PLA2G5: variants seen among roughly 807,000 people sequenced by gnomAD.
The protein encoded by PLA2G5 is Ca2+-dependent phospholipase A2.
Under a neutral mutation model 15.9 loss-of-function variants are expected in PLA2G5, and 12 were observed. That is an observed-to-expected ratio of 0.76 (90% CI 0.48 to 1.23). The LOEUF (loss-of-function observed/expected upper bound fraction) is 1.23. PLA2G5 is among the 50% of genes most tolerant of loss of function. The pLI, the probability that PLA2G5 is intolerant of heterozygous loss-of-function variation, is 0.00. For missense variants in PLA2G5, 169 were observed against 177.1 expected, an observed-to-expected ratio of 0.95 and a Z score of 0.26; for synonymous variants, 71 against 71.4, an observed-to-expected ratio of 0.99 and a Z score of 0.03.
intron 1 of PLA2G5, among the ~76,000 whole-genome samples, chr1:20,042,144 G>C (rs560706036): frequency 6.6e-6 from 1 of 152,304 alleles, no homozygotes; most frequent in Middle Eastern, 3.4e-3. Context: ...GTGAGGGCCT[G>C]AGTTAAGGCA....
At chr1:20,081,141 C>T (rs2015996577) in intron 1 of PLA2G5, among the ~76,000 whole-genome samples, 1 of 151,748 alleles carries the variant, frequency 6.6e-6, no homozygotes, top group South Asian at 2.1e-4. Context: ...TCTCTCCCCT[C>T]TCATTACTGC....
chr1:20,086,660 G>A (rs564596494), intron 3 of PLA2G5, among the ~76,000 whole-genome samples: 7 of 152,158 alleles, frequency 4.6e-5, no homozygotes, highest in East Asian at 1.9e-4. Context: ...AAGGATGTTC[G>A]GGATTCCTCC....
At chr1:20,059,282 G>T (rs763220633) in intron 1 of PLA2G5, among the ~76,000 whole-genome samples, 39 of 152,136 alleles carry the variant, frequency 2.6e-4, no homozygotes, top group Non-Finnish European at 5.1e-4. Flanking sequence ...AAAAATATTA[G>T]CTGGGTGTGG....
intron 1 of PLA2G5, among the ~76,000 whole-genome samples, chr1:20,053,587 T>G (rs1009589373): frequency 4.1e-5 from 6 of 145,516 alleles, no homozygotes; most frequent in Admixed American, 6.9e-5. Context: ...GGGGGTGATA[T>G]GCAAAACTTT....
At chr1:20,062,863 C>T (rs16860431) in intron 2 of PLA2G5, among the ~76,000 whole-genome samples, 15,031 of 152,060 alleles carry the variant, frequency 0.099, 1,203 homozygotes, top group African/African-American at 0.22. Context: ...GCCTGGCCTT[C>T]GAGAGACTCT....
chr1:20,081,205 T>C (rs1382940568), intron 1 of PLA2G5, among the ~76,000 whole-genome samples: 1 of 151,678 alleles, frequency 6.6e-6, no homozygotes, highest in Non-Finnish European at 1.5e-5. Flanking sequence ...CTCTCTGTGG[T>C]CGTTTGATTA....
intron 1 of PLA2G5, among the ~76,000 whole-genome samples, chr1:20,055,202 C>T (rs2014376020): frequency 6.6e-6 from 1 of 152,102 alleles, no homozygotes; most frequent in Non-Finnish European, 1.5e-5. Context: ...GATGAAACCC[C>T]CACACAGTCA....
chr1:20,059,120 C>CAAAA (rs34667227), intron 1 of PLA2G5, among the ~76,000 whole-genome samples: 2 of 83,130 alleles, frequency 2.4e-5, no homozygotes, highest in Admixed American at 1.4e-4. Context: ...GAGACTGTCT[C>CAAAA]AAAAAAAAAA....
chr1:20,031,035 C>T (rs2100261538), intron 1 of PLA2G5, among the ~76,000 whole-genome samples: 1 of 152,268 alleles, frequency 6.6e-6, no homozygotes, highest in South Asian at 2.1e-4. Flanking sequence ...AAGGGTATCC[C>T]CTGTGAAGGC....
intron 1 of PLA2G5, among the ~76,000 whole-genome samples, chr1:20,071,824 C>T (rs2015391281): frequency 6.6e-6 from 1 of 152,174 alleles, no homozygotes; most frequent in African/African-American, 2.4e-5. Context: ...AGTGGCCACT[C>T]CAGCCCAGTG....
intron 1 of PLA2G5, among the ~76,000 whole-genome samples, chr1:20,044,795 G>C (rs1221237778): frequency 6.6e-6 from 1 of 152,046 alleles, no homozygotes; most frequent in Non-Finnish European, 1.5e-5. Context: ...AGCCTGGCAG[G>C]GTGCGATCTG....
intron 1 of PLA2G5, among the ~76,000 whole-genome samples, chr1:20,076,272 T>C (rs2015672835): frequency 8.0e-6 from 1 of 124,494 alleles, no homozygotes. Flanking sequence ...GCAAAGCATT[T>C]CTTAGGGCTG....
chr1:20,049,215 AC>A (rs1391542394), intron 1 of PLA2G5, among the ~76,000 whole-genome samples: 1 of 152,204 alleles, frequency 6.6e-6, no homozygotes, highest in Admixed American at 6.5e-5. Flanking sequence ...TTCAGGACAA[AC>A]CAGAAAGTCC....
At chr1:20,038,297 G>T (rs2013386939) in intron 1 of PLA2G5, among the ~76,000 whole-genome samples, 1 of 152,088 alleles carries the variant, frequency 6.6e-6, no homozygotes, top group African/African-American at 2.4e-5. Flanking sequence ...ATCTGCCCAG[G>T]AAAGTTCACA....
At position 20,084,882 on chromosome 1, in the gene PLA2G5, C is replaced by A; in HGVS notation, c.40+12C>A. On this transcript the variant is annotated intron_variant, in intron 2 of 4. Coordinates refer to ENST00000375108, the MANE Select transcript of PLA2G5 (RefSeq NM_000929.3). The stretch of plus-strand genomic sequence containing the variant: ...GTTCCTGGCTTGTAGTAAGTGCTGG[C>A]CCCGTGACCTTCGAATGAACTTTTA... The A allele has an allele frequency of 1.3e-6, 2 of 1,590,572 alleles. No homozygotes were observed. The highest frequency in any genetic ancestry group is 1.7e-6 in the Non-Finnish European group (2 of 1,158,408).
chr1:20,061,479 A>C lies in PLA2G5; in HGVS notation n.337+1787A>C, dbSNP rs1204817500. Reference sequence around the variant, plus strand: ...CACACATCTGTAGTCCCAACTACTCAGGAGGCTGAGGTGGGAGGATTGCTT... The same window carrying C: ...CACACATCTGTAGTCCCAACTACTCCGGAGGCTGAGGTGGGAGGATTGCTT... On this transcript the variant is annotated intron_variant and non_coding_transcript_variant, in intron 2 of 6. Transcript: ENST00000460175. 2.6e-5 allele frequency among the ~76,000 whole-genome samples: 4 copies of C among 151,206 alleles called. No individual in the cohort carries two copies. The East Asian group carries it at 7.8e-4, about 30-fold the overall frequency.
intron 2 of PLA2G5, among the ~76,000 whole-genome samples, chr1:20,062,792 T>C (rs2014801548): frequency 6.6e-6 from 1 of 152,056 alleles, no homozygotes; most frequent in Admixed American, 6.5e-5. Flanking sequence ...AAATGGTACA[T>C]CTGTGTGCCT....
At chr1:20,043,365 C>T (rs953974855) in intron 1 of PLA2G5, among the ~76,000 whole-genome samples, 2 of 152,144 alleles carry the variant, frequency 1.3e-5, no homozygotes, top group African/African-American at 4.8e-5. Flanking sequence ...TTTAGGAGGC[C>T]ATGCTGTAAC....
At chr1:20,071,925 T>C (rs2015395683) in intron 1 of PLA2G5, among the ~76,000 whole-genome samples, 1 of 152,048 alleles carries the variant, frequency 6.6e-6, no homozygotes, top group Non-Finnish European at 1.5e-5. Flanking sequence ...CTGGCCAACA[T>C]GGTGAAGCCC....
Sources: gnomAD v4.1 joint callset for allele counts (sites outside exome capture counted in the v4.1 genomes callset) on GRCh38, gnomAD v4.1.1 for gene constraint, MANE v1.5 for transcripts, NCBI Gene and HGNC (gene_info 2026-07-23, HGNC 2026-07-21) for gene names.